The following SORCS1 variants were observed in gnomAD, a reference collection of about 807,000 sequenced individuals.
SORCS1 encodes VPS10 domain-containing receptor SorCS1.
SORCS1 carries 60 observed loss-of-function variants against 146.1 expected under a neutral mutation model. That is an observed-to-expected ratio of 0.41 (90% confidence interval 0.33 to 0.51). The LOEUF is 0.51. Ranked by LOEUF, SORCS1 falls within the 20% of genes least tolerant of loss-of-function variation. The pLI is 0.21. For missense variants in SORCS1, 1,352 were observed against 1,487.6 expected (o/e 0.91, Z 1.50); for synonymous variants, 637 against 584.0 (o/e 1.09, Z -1.31).
chr10:106,833,805 T>C (rs1948668788), intron 2 of SORCS1, among the ~76,000 whole-genome samples: 2 of 152,048 alleles, frequency 1.3e-5, no homozygotes, highest in Admixed American at 6.6e-5. Context: ...ATTATTATTA[T>C]TATTTTGAGA....
At chr10:107,111,420 A>G (rs1965692343) in intron 1 of SORCS1, among the ~76,000 whole-genome samples, 1 of 152,222 alleles carries the variant, frequency 6.6e-6, no homozygotes, top group Non-Finnish European at 1.5e-5. Flanking sequence ...TAAAATGACA[A>G]TATTAAAAAA....
At chr10:107,050,766 CCTT>C (rs1337719783) in intron 1 of SORCS1, among the ~76,000 whole-genome samples, 6 of 152,096 alleles carry the variant, frequency 3.9e-5, no homozygotes. Flanking sequence ...ATCAACCAGG[CCTT>C]CTTAAGTATA....
At chr10:106,633,904 G>A (rs975998906) in intron 18 of SORCS1, among the ~76,000 whole-genome samples, 3 of 152,186 alleles carry the variant, frequency 2.0e-5, no homozygotes, top group African/African-American at 7.2e-5. Flanking sequence ...GTCTGCAGCC[G>A]ATGCTAGGCT....
At chr10:107,015,546 T>C (rs574178789) in intron 1 of SORCS1, among the ~76,000 whole-genome samples, 5 of 152,344 alleles carry the variant, frequency 3.3e-5, no homozygotes, top group South Asian at 2.1e-4. Flanking sequence ...GTGACAGTTC[T>C]GGAATCAAAA....
chr10:106,937,584 C>A (rs1313116993), intron 2 of SORCS1, among the ~76,000 whole-genome samples: 1 of 152,144 alleles, frequency 6.6e-6, no homozygotes, highest in African/African-American at 2.4e-5. Flanking sequence ...GATTGTGAAG[C>A]CTCCCCAACC....
intron 3 of SORCS1, among the ~76,000 whole-genome samples, chr10:106,809,422 G>A (rs1283601403): frequency 6.6e-6 from 1 of 152,090 alleles, no homozygotes; most frequent in African/African-American, 2.4e-5. Flanking sequence ...TGGGCTCCCA[G>A]GAAGGCTCTC....
At chr10:107,107,955 G>A (rs1463381228) in intron 1 of SORCS1, among the ~76,000 whole-genome samples, 2 of 152,222 alleles carry the variant, frequency 1.3e-5, no homozygotes, top group African/African-American at 2.4e-5. Flanking sequence ...CTGAAACCCA[G>A]TTTTAGACAC....
At chr10:106,965,991 A>C (rs1415404268) in intron 1 of SORCS1, among the ~76,000 whole-genome samples, 1 of 152,212 alleles carries the variant, frequency 6.6e-6, no homozygotes, top group East Asian at 1.9e-4. Flanking sequence ...CGTTTTTTAA[A>C]GTTTTGAACC....
chr10:106,670,550 C>T (rs1195239598), intron 16 of SORCS1, among the ~76,000 whole-genome samples: 1 of 152,182 alleles, frequency 6.6e-6, no homozygotes, highest in African/African-American at 2.4e-5. Flanking sequence ...AGAAAATTTT[C>T]TGCCTTAAAA....
chr10:106,702,134 G>A (rs1278056695), intron 8 of SORCS1, among the ~76,000 whole-genome samples: 3 of 152,166 alleles, frequency 2.0e-5, no homozygotes, highest in Non-Finnish European at 4.4e-5. Flanking sequence ...TCTTTCTAAT[G>A]GAGAGACTTG....
intron 1 of SORCS1, among the ~76,000 whole-genome samples, chr10:106,978,531 A>G (rs1458309336): frequency 2.0e-5 from 3 of 152,066 alleles, no homozygotes; most frequent in African/African-American, 7.2e-5. Context: ...CGGGCATGGT[A>G]GCTCACGCCT....
At chr10:106,983,955 G>A (rs1458519691) in intron 1 of SORCS1, among the ~76,000 whole-genome samples, 1 of 152,200 alleles carries the variant, frequency 6.6e-6, no homozygotes, top group Non-Finnish European at 1.5e-5. Context: ...GTATTCAGAA[G>A]TAGGGTGATA....
chr10:106,672,383 A>T (rs915375983), intron 15 of SORCS1, among the ~76,000 whole-genome samples: 3 of 152,196 alleles, frequency 2.0e-5, no homozygotes, highest in African/African-American at 7.2e-5. Flanking sequence ...TCATACCAGA[A>T]GTACCTTGCA....
At chr10:106,887,563 C>A (rs567993876) in intron 2 of SORCS1, among the ~76,000 whole-genome samples, 7 of 152,180 alleles carry the variant, frequency 4.6e-5, no homozygotes, top group African/African-American at 1.7e-4. Flanking sequence ...CACGATGGAG[C>A]AAGACTCCAT....
chr10:106,772,338 C>T (rs112494385), intron 4 of SORCS1, among the ~76,000 whole-genome samples: 1 of 152,132 alleles, frequency 6.6e-6, no homozygotes, highest in African/African-American at 2.4e-5. Flanking sequence ...ATTCTCAGGC[C>T]TTCAAACTTG....
intron 1 of SORCS1, among the ~76,000 whole-genome samples, chr10:107,058,476 T>C (rs910484503): frequency 1.3e-5 from 2 of 152,202 alleles, no homozygotes; most frequent in African/African-American, 2.4e-5. Flanking sequence ...TAGTATATTA[T>C]TAACAAAGAA....
At chr10:106,788,548 A>G (rs1011447903) in intron 3 of SORCS1, among the ~76,000 whole-genome samples, 2 of 152,258 alleles carry the variant, frequency 1.3e-5, no homozygotes, top group African/African-American at 4.8e-5. Flanking sequence ...AAGGGGCTAC[A>G]GGTCCCACAC....
intron 3 of SORCS1, among the ~76,000 whole-genome samples, chr10:106,791,425 C>T (rs544242799): frequency 1.2e-4 from 18 of 152,238 alleles, no homozygotes; most frequent in Admixed American, 3.9e-4. Flanking sequence ...TGGCCAGGTA[C>T]GGTGGCTCAC....
At chr10:106,985,455 G>C (rs866088786) in intron 1 of SORCS1, among the ~76,000 whole-genome samples, 1 of 151,818 alleles carries the variant, frequency 6.6e-6, no homozygotes, top group Non-Finnish European at 1.5e-5. Context: ...AATGGAAATA[G>C]GAAAGGAAAT....
Sources: allele counts gnomAD v4.1 joint callset (sites outside exome capture counted in the v4.1 genomes callset), GRCh38; gene constraint gnomAD v4.1.1; transcripts MANE v1.5; gene names NCBI Gene and HGNC (gene_info 2026-07-23, HGNC 2026-07-21).